Variants in TASP1 observed in about 807,000 individuals in gnomAD.
TASP1 encodes the protein taspase 1.
In TASP1, 16 loss-of-function variants were observed where a neutral mutation model predicts 56.6. The ratio of observed to expected loss-of-function variants is 0.28; its 90% confidence interval spans 0.19 to 0.43. The LOEUF (loss-of-function observed/expected upper bound fraction) is 0.43. TASP1 is among the 20% of genes least tolerant of loss of function. The pLI is 1.00. For missense variants in TASP1, 393 were observed against 511.6 expected, an observed-to-expected ratio of 0.77 and a Z score of 2.24; for synonymous variants, 179 against 184.2, an observed-to-expected ratio of 0.97 and a Z score of 0.23.
At chr20:13,338,551 A>G in the TASP1 span, among the ~76,000 whole-genome samples, 2 of 152,196 alleles carry the variant, frequency 1.3e-5, no homozygotes, top group African/African-American at 4.8e-5. Flanking sequence ...AACGCCTCTG[A>G]CATACAGTAT....
chr20:13,305,819 G>A, the TASP1 span, among the ~76,000 whole-genome samples: 826 of 152,276 alleles, frequency 5.4e-3, 6 homozygotes, highest in Non-Finnish European at 8.4e-3. Context: ...AAAGAACAAA[G>A]TTTAAATGCA....
chr20:13,118,638 G>A, the TASP1 span, among the ~76,000 whole-genome samples: 5 of 152,098 alleles, frequency 3.3e-5, no homozygotes, highest in Non-Finnish European at 5.9e-5. Flanking sequence ...CTGTCCCAAA[G>A]AGCAGATGTG....
At chr20:13,470,549 G>C (rs1239261337) in intron 11 of TASP1, among the ~76,000 whole-genome samples, 1 of 152,024 alleles carries the variant, frequency 6.6e-6, no homozygotes, top group Non-Finnish European at 1.5e-5. Context: ...TGTATCTTAT[G>C]TCACAAGGAA....
intron 1 of TASP1, among the ~76,000 whole-genome samples, chr20:13,634,460 T>C (rs1383409478): frequency 6.6e-6 from 1 of 152,168 alleles, no homozygotes; most frequent in Non-Finnish European, 1.5e-5. Context: ...CCAGGTGTGG[T>C]GGGTCACGCT....
chr20:13,499,765 A>AGT (rs1159830506), intron 10 of TASP1, among the ~76,000 whole-genome samples: 1 of 152,134 alleles, frequency 6.6e-6, no homozygotes, highest in Non-Finnish European at 1.5e-5. Context: ...AAAAAAATGT[A>AGT]GTATATATAA....
At chr20:13,457,323 C>T (rs944609370) in intron 11 of TASP1, among the ~76,000 whole-genome samples, 2 of 151,782 alleles carry the variant, frequency 1.3e-5, no homozygotes, top group Non-Finnish European at 2.9e-5. Flanking sequence ...TATTTTAAAA[C>T]CCAAACATTC....
chr20:13,560,422 G>A (rs965094935), intron 7 of TASP1, among the ~76,000 whole-genome samples: 2 of 152,246 alleles, frequency 1.3e-5, no homozygotes, highest in African/African-American at 2.4e-5. Flanking sequence ...AGAGGGATAC[G>A]TCAAGCCCAA....
At chr20:13,247,517 GGTGT>G in the TASP1 span, among the ~76,000 whole-genome samples, 8,477 of 139,728 alleles carry the variant, frequency 0.061, 638 homozygotes, top group African/African-American at 0.19. Context: ...CAAAGTGAGG[GGTGT>G]GTGTGTGTGT....
At chr20:13,229,991 AT>A in the TASP1 span, among the ~76,000 whole-genome samples, 1 of 152,170 alleles carries the variant, frequency 6.6e-6, no homozygotes, top group Non-Finnish European at 1.5e-5. Context: ...CTATTTCTTA[AT>A]TTTATTTTCC....
chr20:13,261,878 A>T, the TASP1 span, among the ~76,000 whole-genome samples: 3 of 152,152 alleles, frequency 2.0e-5, no homozygotes, highest in Non-Finnish European at 4.4e-5. Context: ...CTTAATTTCC[A>T]GGTTCTCCCT....
intron 12 of TASP1, among the ~76,000 whole-genome samples, chr20:13,429,717 T>C (rs1332924801): frequency 1.3e-5 from 2 of 152,136 alleles, no homozygotes; most frequent in African/African-American, 4.8e-5. Flanking sequence ...CAGTAAGAGA[T>C]ACATGTTTGT....
At chr20:13,218,707 T>G in the TASP1 span, among the ~76,000 whole-genome samples, 2 of 152,234 alleles carry the variant, frequency 1.3e-5, no homozygotes, top group Non-Finnish European at 2.9e-5. Context: ...TCCACAAAAA[T>G]TGTAAGCCCG....
the TASP1 span, among the ~76,000 whole-genome samples, chr20:13,335,323 TGCACACACACACACACAC>T: frequency 8.5e-6 from 1 of 118,214 alleles, no homozygotes. Flanking sequence ...CCCTCACCTA[TGCACACACACACACACAC>T]ACACACACAC....
intron 11 of TASP1, among the ~76,000 whole-genome samples, chr20:13,459,016 G>A (rs75044848): frequency 0.037 from 5,676 of 152,216 alleles, 134 homozygotes; most frequent in African/African-American, 0.058. Context: ...TTCATGTCAT[G>A]AGACAAGTTT....
At chr20:13,516,099 A>G (rs1195258178) in intron 10 of TASP1, among the ~76,000 whole-genome samples, 1 of 152,166 alleles carries the variant, frequency 6.6e-6, no homozygotes, top group Non-Finnish European at 1.5e-5. Flanking sequence ...AATAAATCTT[A>G]CTTCAAGTAA....
At chr20:13,360,497 G>T in the TASP1 span, among the ~76,000 whole-genome samples, 17 of 149,488 alleles carry the variant, frequency 1.1e-4, no homozygotes, top group African/African-American at 4.0e-4. Flanking sequence ...CATGGTTAGC[G>T]CGGTCAGAAT....
intron 13 of TASP1, chr20:13,392,809 A>G: frequency 1.6e-6 from 1 of 632,978 alleles, no homozygotes; most frequent in Non-Finnish European, 3.0e-6. Flanking sequence ...CATAGTCTAC[A>G]TGTTCCCATA....
chr20:13,140,426 G>C, the TASP1 span, among the ~76,000 whole-genome samples: 1 of 152,166 alleles, frequency 6.6e-6, no homozygotes, highest in African/African-American at 2.4e-5. Context: ...CAGCCCTTGA[G>C]TAACTAAGGT....
the TASP1 span, among the ~76,000 whole-genome samples, chr20:13,324,901 T>C: frequency 6.6e-6 from 1 of 152,240 alleles, no homozygotes; most frequent in Non-Finnish European, 1.5e-5. Flanking sequence ...GACTTGCTCA[T>C]GCAGCTGAAG....
Sources: gnomAD v4.1 joint callset for allele counts (sites outside exome capture counted in the v4.1 genomes callset) on GRCh38, gnomAD v4.1.1 for gene constraint, MANE v1.5 for transcripts, NCBI Gene and HGNC (gene_info 2026-07-23, HGNC 2026-07-21) for gene names.